Variants in RNF19A observed in about 807,000 individuals in gnomAD.
The protein encoded by RNF19A is ring finger protein 19A, RBR E3 ubiquitin protein ligase.
A neutral mutation model predicts 75.7 loss-of-function variants in RNF19A; 32 were observed. That is an observed-to-expected ratio of 0.42 (90% CI 0.32 to 0.57). The LOEUF (loss-of-function observed/expected upper bound fraction) is 0.57. Ranked by LOEUF, RNF19A falls within the 20% of genes least tolerant of loss-of-function variation. The pLI, the probability that RNF19A is intolerant of heterozygous loss-of-function variation, is 0.10. For missense variants in RNF19A, 782 were observed against 1,036.3 expected (o/e 0.75, Z 3.37); for synonymous variants, 335 against 345.2 (o/e 0.97, Z 0.33).
At chr8:100,265,926 C>A (rs1439973021) in intron 5 of RNF19A, among the ~76,000 whole-genome samples, 1 of 152,224 alleles carries the variant, frequency 6.6e-6, no homozygotes, top group Non-Finnish European at 1.5e-5. Flanking sequence ...CATTATCCTT[C>A]AGCACTGCAG....
rs1157370939 is a variant in RNF19A, at chr8:100,269,469, T to G, written c.1028+400A>C. Among the ~76,000 whole-genome samples, 1 of 151,930 alleles carries G rather than the reference T, an allele frequency of 6.6e-6. No homozygotes were observed. Among genetic ancestry groups the G allele is most frequent in the Non-Finnish European group, 1.5e-5 (1 of 67,924 alleles). ...CTAGTCCTCCATTATCCTCAAACCC[T>G]TAAGTCAGTTTTTTAATAGTAAACT... On this transcript the variant is annotated intron_variant, in intron 4 of 9. Coordinates refer to ENST00000341084, the MANE Select transcript of RNF19A (RefSeq NM_183419.4). The surrounding 1 kb of genome is among the most constrained non-coding windows in gnomAD (Gnocchi z 5.7).
chr8:100,265,083 AGAG>A (rs1220352948), intron 5 of RNF19A, among the ~76,000 whole-genome samples: 3 of 152,224 alleles, frequency 2.0e-5, no homozygotes, highest in African/African-American at 7.2e-5. Context: ...TATCGAGCAA[AGAG>A]GAAGAAATTA....
intron 1 of RNF19A, chr8:100,303,045 G>A (rs947235012): frequency 6.6e-6 from 1 of 152,160 alleles, no homozygotes; most frequent in Non-Finnish European, 1.5e-5. Flanking sequence ...ATAAAACAAC[G>A]ATAATTAGAG....
chr8:100,318,956 T>G (rs1822425451), intron 1 of RNF19A, among the ~76,000 whole-genome samples: 1 of 152,168 alleles, frequency 6.6e-6, no homozygotes, highest in Non-Finnish European at 1.5e-5. Flanking sequence ...CCCAGAGCAA[T>G]CCCCAGGCAA....
chr8:100,292,926 A>T (rs1270999950), intron 1 of RNF19A, among the ~76,000 whole-genome samples: 2 of 152,172 alleles, frequency 1.3e-5, no homozygotes, highest in Non-Finnish European at 2.9e-5. Flanking sequence ...AGCGGTGCCC[A>T]AACTTTTTGG....
chr8:100,319,556 GTC>G (rs1822434773), intron 1 of RNF19A, among the ~76,000 whole-genome samples: 1 of 134,892 alleles, frequency 7.4e-6, no homozygotes, highest in South Asian at 2.4e-4. Context: ...TTGAGACAGA[GTC>G]TCACTCTGTC....
chr8:100,314,074 G>GT (rs1017775405), upstream of RNF19A, among the ~76,000 whole-genome samples: 3 of 151,652 alleles, frequency 2.0e-5, no homozygotes, highest in African/African-American at 7.3e-5. This position sits in a 1 kb window ranked among gnomAD's most constrained non-coding sequence, Gnocchi z 4.1. Flanking sequence ...TAGAGACGAG[G>GT]TTTTGCCATG....
chr8:100,276,028 G>A (rs1220365851), intron 2 of RNF19A, among the ~76,000 whole-genome samples: 2 of 152,002 alleles, frequency 1.3e-5, no homozygotes, highest in African/African-American at 4.8e-5. Flanking sequence ...TGACTAGCAG[G>A]AATACCTTTC....
rs1330822836 is a variant in RNF19A, at chr8:100,331,026, A to G, written c.-243+5082T>C. 1.3e-5 allele frequency among the ~76,000 whole-genome samples: 2 copies of G among 152,186 alleles called. No individual in the cohort carries two copies. The highest frequency in any genetic ancestry group is 2.4e-5 in the African/African-American group (1 of 41,426). The stretch of plus-strand genomic sequence containing the variant: ...TTCTGAGTCTTCCTTTCACATTGAT[A>G]CGTCCATTTCTATCTATGGCTCCTC... On this transcript the variant is annotated intron_variant, in intron 1 of 3. Transcript: ENST00000519527. This position sits in a 1 kb window ranked among gnomAD's most constrained non-coding sequence, Gnocchi z 5.2.
chr8:100,275,151 T>A lies in RNF19A; in HGVS notation c.685A>T (p.Ile229Leu). ...CPAPDCGYAV[I>L]AFGCASCPKL... ...GGACAGCTGGCACATCCAAATGCTA[T>A]CACAGCATATCTTGAAAGAACAAGA... is the stretch of plus-strand genomic sequence containing the variant. The change falls in exon 3 of 10, where the codon ATA (isoleucine) becomes TTA (leucine). Residue 229 changes from isoleucine to leucine, a missense_variant. Transcript: ENST00000341084. This position sits in a 1 kb window ranked among gnomAD's most constrained non-coding sequence, Gnocchi z 4.3. 6.2e-7 allele frequency: 1 copy of A among 1,613,798 alleles called. No homozygotes were observed. Among genetic ancestry groups the A allele is most frequent in the Non-Finnish European group, 8.5e-7 (1 of 1,179,744 alleles).
rs1180310720 is a variant in RNF19A, at chr8:100,257,647, A to G, written c.*909T>C. The G allele has an allele frequency of 2.2e-5, 4 of 185,468 alleles. No homozygotes were observed. The highest frequency in any genetic ancestry group is 4.4e-5 in the Non-Finnish European group (4 of 90,510). 11.5% of individuals were successfully genotyped at this position (185,468 alleles called of 1,614,324 possible). On this transcript the variant is annotated 3_prime_UTR_variant, in exon 10 of 10. Coordinates refer to ENST00000341084, the MANE Select transcript of RNF19A (RefSeq NM_183419.4). ...TTATTAATCACATTCATGTTTATCT[A>G]TTTCCTGTATTTTTATATATAATCC... is the stretch of plus-strand genomic sequence containing the variant.
At position 100,275,307 on chromosome 8, in the gene RNF19A, A is replaced by G. The variant is rs952461069; in HGVS notation, c.675-146T>C. On this transcript the variant is annotated intron_variant, in intron 2 of 9. Transcript: ENST00000341084. The surrounding 1 kb of genome is among the most constrained non-coding windows in gnomAD (Gnocchi z 4.3). ...TCATAAGCACAATCTCACCAATATA[A>G]AAATGGGGGAAAATGAAGTTTACAA... The G allele has an allele frequency of 7.9e-6, 5 of 630,488 alleles. No homozygotes were observed. The African/African-American group carries it at 9.3e-5, about 12-fold the overall frequency. 39.1% of individuals were successfully genotyped at this position (630,488 alleles called of 1,614,324 possible).
In RNF19A at chr8:100,275,975, GTTTT is replaced by G. The variant is rs1176140039; in HGVS notation, c.675-818_675-815del. Reference sequence around the variant, plus strand: ...TCCTGCCAAAAAATAAAAAAAAACTGTTTTTTTTTCCTTCGGATTAAAGACTGAG... The same window carrying G: ...TCCTGCCAAAAAATAAAAAAAAACTGTTTTTCCTTCGGATTAAAGACTGAG... On this transcript the variant is annotated intron_variant, in intron 2 of 9. Coordinates refer to ENST00000341084, the MANE Select transcript of RNF19A (RefSeq NM_183419.4). This position sits in a 1 kb window ranked among gnomAD's most constrained non-coding sequence, Gnocchi z 4.3. Among the ~76,000 whole-genome samples, 3 of 149,820 alleles carry G rather than the reference GTTTT, an allele frequency of 2.0e-5. No homozygotes were observed. The highest frequency in any genetic ancestry group is 6.7e-5 in the Admixed American group (1 of 14,952).
At chr8:100,290,969 C>G (rs1413342064) in intron 1 of RNF19A, among the ~76,000 whole-genome samples, 2 of 152,178 alleles carry the variant, frequency 1.3e-5, no homozygotes, top group Non-Finnish European at 2.9e-5. Context: ...CCAACTGCCT[C>G]TAAGGCAGTC....
Position 100,287,425 on chromosome 8 carries a change from C to T in RNF19A, c.674+76G>A, listed in dbSNP as rs1821076476. 1.4e-6 allele frequency: 2 copies of T among 1,447,092 alleles called. No individual in the cohort carries two copies. 89.6% of individuals were successfully genotyped at this position (1,447,092 alleles called of 1,614,324 possible). ...AATTCTCCAGCATGTAAAAATTTTT[C>T]TTTTGAGTAATAGCAAATTATTTTA... On this transcript the variant is annotated intron_variant, in intron 2 of 9. Transcript: ENST00000341084. This position sits in a 1 kb window ranked among gnomAD's most constrained non-coding sequence, Gnocchi z 4.1.
At chr8:100,314,125 G>A (rs1190071659), upstream of RNF19A, among the ~76,000 whole-genome samples, 1 of 151,672 alleles carries the variant, frequency 6.6e-6, no homozygotes, top group Non-Finnish European at 1.5e-5. This position sits in a 1 kb window ranked among gnomAD's most constrained non-coding sequence, Gnocchi z 4.1. Context: ...TAAGTAATCT[G>A]CCCAGCTCAG....
intron 1 of RNF19A, chr8:100,309,394 G>T: frequency 1.0e-6 from 1 of 985,880 alleles, no homozygotes; most frequent in Non-Finnish European, 1.2e-6. Flanking sequence ...CCGGAAATCG[G>T]TCCCGTTAGA....
chr8:100,326,510 C>T lies in RNF19A; in HGVS notation c.-243+9598G>A, dbSNP rs536283493. ...AGAGACAGAACAGAGCCAGTCCCTG[C>T]CCTAACAGATCTTGCAGTCTAGTGA... On this transcript the variant is annotated intron_variant, in intron 1 of 3. Transcript: ENST00000519527. Among the ~76,000 whole-genome samples, 5 of 152,282 alleles carry T rather than the reference C, an allele frequency of 3.3e-5. No homozygotes were observed. In the East Asian group the frequency reaches 9.6e-4, roughly 29 times the overall value.
At position 100,322,854 on chromosome 8, in the gene RNF19A, A is replaced by C. The variant is rs554378221; in HGVS notation, c.-242-9482T>G. ...AGTGGAGTAGTCAGAACACACACAC[A>C]CATTTATTAAGTTCACTGTCTTCAG... On this transcript the variant is annotated intron_variant, in intron 1 of 3. Coordinates refer to the RNF19A transcript ENST00000519527. This position sits in a 1 kb window ranked among gnomAD's most constrained non-coding sequence, Gnocchi z 5.1. Among the ~76,000 whole-genome samples the C allele has an allele frequency of 6.6e-6, 1 of 152,110 alleles. No individual in the cohort carries two copies. The highest frequency in any genetic ancestry group is 2.1e-4 in the South Asian group (1 of 4,816).
Sources: allele counts gnomAD v4.1 joint callset (sites outside exome capture counted in the v4.1 genomes callset), GRCh38; gene constraint gnomAD v4.1.1; non-coding constraint Gnocchi (gnomAD v3.1); transcripts MANE v1.5; gene names NCBI Gene and HGNC (gene_info 2026-07-23, HGNC 2026-07-21).